Variants in PRDM5 observed in about 807,000 individuals in gnomAD.
The protein encoded by PRDM5 is PR domain zinc finger protein 5.
A neutral mutation model predicts 81.2 loss-of-function variants in PRDM5; 56 were observed. The ratio of observed to expected loss-of-function variants is 0.69; its 90% CI spans 0.56 to 0.86. PRDM5 has a LOEUF of 0.86. Ranked by LOEUF, PRDM5 falls within the 40% of genes least tolerant of loss-of-function variation. The pLI, the probability that PRDM5 is intolerant of heterozygous loss-of-function variation, is 0.00. For missense variants in PRDM5, 697 were observed against 770.1 expected (o/e 0.91, Z 1.12); for synonymous variants, 267 against 256.4 (o/e 1.04, Z -0.39).
chr4:120,742,263 C>T (rs1374070112), intron 14 of PRDM5, among the ~76,000 whole-genome samples: 1 of 152,144 alleles, frequency 6.6e-6, no homozygotes, highest in East Asian at 1.9e-4. Context: ...GACATCCACA[C>T]CAAAAACCCA....
rs1296650034 is a variant in PRDM5, at chr4:120,853,449, G to A, written c.269C>T (p.Ser90Phe). ...NWLRFVHEAP[S>F]QEQKNLAAIQ... ...GGCAGCCAAGTTCTTCTGCTCCTGAGATGGTGCCTCATGAACGAAGCGAAG... is the reference window on the plus strand; with the variant it reads ...GGCAGCCAAGTTCTTCTGCTCCTGAAATGGTGCCTCATGAACGAAGCGAAG... The change falls in exon 3 of 16, where the codon TCT becomes TTT. Residue 90 changes from serine to phenylalanine, a missense_variant. By Grantham distance (155) the Ser-to-Phe change is radical. This residue lies in a region of PRDM5 where 577 missense variants were observed against 606.7 expected (regional missense o/e 0.95). Coordinates refer to ENST00000264808, the MANE Select transcript of PRDM5 (RefSeq NM_018699.4). 2 of 1,613,800 alleles carry A rather than the reference G, an allele frequency of 1.2e-6. No homozygotes were observed. The highest frequency in any genetic ancestry group is 4.5e-5 in the East Asian group (2 of 44,866).
chr4:120,870,835 T>C (rs1761711671), intron 2 of PRDM5, among the ~76,000 whole-genome samples: 1 of 152,136 alleles, frequency 6.6e-6, no homozygotes. Flanking sequence ...TTCAGATTCC[T>C]CCTAAGAAGG....
intron 2 of PRDM5, among the ~76,000 whole-genome samples, chr4:120,898,918 G>A (rs902838691): frequency 2.0e-5 from 3 of 152,140 alleles, no homozygotes; most frequent in South Asian, 2.1e-4. Flanking sequence ...TTTCCATCCC[G>A]CTTCACTCAC....
chr4:120,685,241 T>C (rs1437274839), intron 1 of PRDM5, among the ~76,000 whole-genome samples: 1 of 151,998 alleles, frequency 6.6e-6, no homozygotes, highest in African/African-American at 2.4e-5. Context: ...AATAAGGAGG[T>C]AGGTAGCTGA....
At chr4:120,808,196 C>G (rs554927245) in intron 8 of PRDM5, among the ~76,000 whole-genome samples, 1 of 152,252 alleles carries the variant, frequency 6.6e-6, no homozygotes, top group South Asian at 2.1e-4. Flanking sequence ...TCTTATCTGG[C>G]CCTACCCACA....
intron 2 of PRDM5, among the ~76,000 whole-genome samples, chr4:120,863,150 T>G (rs1382328963): frequency 9.9e-6 from 1 of 101,014 alleles, no homozygotes; most frequent in African/African-American, 4.2e-5. Flanking sequence ...AGAGCAAGAC[T>G]CTGTCTAAAA....
intron 13 of PRDM5, among the ~76,000 whole-genome samples, chr4:120,776,640 T>A (rs1053785629): frequency 2.0e-4 from 31 of 152,318 alleles, no homozygotes; most frequent in South Asian, 4.1e-4. Flanking sequence ...ATTTAGTTGT[T>A]CATTCACCCT....
intron 3 of PRDM5, among the ~76,000 whole-genome samples, chr4:120,844,265 T>G (rs1482707405): frequency 6.6e-6 from 1 of 152,162 alleles, no homozygotes; most frequent in Non-Finnish European, 1.5e-5. Flanking sequence ...GTGGTGATAA[T>G]GAAAATTTAA....
At chr4:120,915,346 G>T (rs1393714622) in intron 1 of PRDM5, among the ~76,000 whole-genome samples, 1 of 152,148 alleles carries the variant, frequency 6.6e-6, no homozygotes, top group Non-Finnish European at 1.5e-5. Flanking sequence ...GCTAAAGGAG[G>T]AATGTGAGAC....
chr4:120,831,419 C>T (rs1013403573), intron 3 of PRDM5, among the ~76,000 whole-genome samples: 1 of 152,050 alleles, frequency 6.6e-6, no homozygotes, highest in African/African-American at 2.4e-5. Context: ...CACAGTCCCA[C>T]GCATTCATTC....
intron 14 of PRDM5, among the ~76,000 whole-genome samples, chr4:120,733,287 C>G (rs1740532066): frequency 6.6e-6 from 1 of 152,154 alleles, no homozygotes; most frequent in Non-Finnish European, 1.5e-5. Flanking sequence ...GTCCCAGCAC[C>G]TGGGACTCCT....
At chr4:120,847,426 G>C (rs972101772) in intron 3 of PRDM5, among the ~76,000 whole-genome samples, 8 of 152,098 alleles carry the variant, frequency 5.3e-5, no homozygotes, top group African/African-American at 1.9e-4. Context: ...CCCCAGTTCA[G>C]TGGTGAAGAA....
In PRDM5 at chr4:120,732,366, T is replaced by C. The variant is rs75682937; in HGVS notation, c.1624-21953A>G. ...CTAATATTAAGTAATCAGATAATAT[T>C]ATTTGTTTTATGCACTTTCAGAAAC... On this transcript the variant is annotated intron_variant, in intron 14 of 15. Transcript: ENST00000264808. Among the ~76,000 whole-genome samples the C allele has an allele frequency of 9.5e-3, 1,445 of 152,296 alleles. 26 individuals carry two copies. Among genetic ancestry groups the C allele is most frequent in the African/African-American group, 0.032 (1,347 of 41,562 alleles).
intron 14 of PRDM5, among the ~76,000 whole-genome samples, chr4:120,713,033 C>G (rs927602212): frequency 2.6e-5 from 4 of 152,130 alleles, no homozygotes; most frequent in Non-Finnish European, 4.4e-5. Flanking sequence ...AGTTAATAAA[C>G]CAAGCTAATA....
chr4:120,794,871 C>A (rs76938694), intron 10 of PRDM5, among the ~76,000 whole-genome samples: 30,273 of 152,110 alleles, frequency 0.2, 3,667 homozygotes, highest in Non-Finnish European at 0.28. Context: ...GCGGATCCAC[C>A]CACCTCATCC....
At chr4:120,704,892 G>T (rs1362073528) in intron 15 of PRDM5, among the ~76,000 whole-genome samples, 2 of 152,138 alleles carry the variant, frequency 1.3e-5, no homozygotes, top group Non-Finnish European at 1.5e-5. Context: ...TGGCTCAGCT[G>T]GGGAAGTGAA....
intron 13 of PRDM5, among the ~76,000 whole-genome samples, chr4:120,768,848 T>C (rs1029715251): frequency 2.0e-5 from 3 of 152,232 alleles, no homozygotes; most frequent in Admixed American, 2.0e-4. Context: ...TGTAAGTTTA[T>C]AGGCACTAGT....
intron 15 of PRDM5, among the ~76,000 whole-genome samples, chr4:120,709,820 T>C (rs1736694854): frequency 6.6e-6 from 1 of 152,218 alleles, no homozygotes; most frequent in Non-Finnish European, 1.5e-5. Context: ...TCAATCCAAA[T>C]GTCATAAGCA....
At chr4:120,756,877 T>C (rs1303754672) in intron 13 of PRDM5, among the ~76,000 whole-genome samples, 1 of 152,178 alleles carries the variant, frequency 6.6e-6, no homozygotes, top group Admixed American at 6.5e-5. Context: ...AATAGTAACA[T>C]GTTATTTTAC....
Sources: allele counts gnomAD v4.1 joint callset (sites outside exome capture counted in the v4.1 genomes callset), GRCh38; gene constraint gnomAD v4.1.1; regional missense constraint gnomAD v4.1.1; transcripts MANE v1.5; gene names NCBI Gene and HGNC (gene_info 2026-07-23, HGNC 2026-07-21).